ADGRL3: variants seen among roughly 807,000 people sequenced by gnomAD.
ADGRL3 encodes calcium-independent alpha-latrotoxin receptor 3.
ADGRL3 carries 62 observed loss-of-function variants against 153.5 expected under a neutral mutation model. That is an observed-to-expected ratio of 0.40 (90% confidence interval 0.33 to 0.50). The LOEUF is 0.50. Ranked by LOEUF, ADGRL3 falls within the 20% of genes least tolerant of loss-of-function variation. ADGRL3 has a pLI of 0.47. For synonymous variants in ADGRL3, 710 were observed against 672.5 expected, an observed-to-expected ratio of 1.06 and a Z score of -0.86; for missense variants, 1,641 against 1,859.4, an observed-to-expected ratio of 0.88 and a Z score of 2.16.
chr4:61,279,834 TG>T (rs2093642633), intron 1 of ADGRL3, among the ~76,000 whole-genome samples: 1 of 152,134 alleles, frequency 6.6e-6, no homozygotes, highest in East Asian at 1.9e-4. Context: ...TATGGTCTAT[TG>T]ATAAATATGT....
chr4:61,718,666 A>G (rs2096175640), intron 6 of ADGRL3, among the ~76,000 whole-genome samples: 1 of 152,194 alleles, frequency 6.6e-6, no homozygotes, highest in Non-Finnish European at 1.5e-5. Context: ...GTTGTCTACC[A>G]GGAAGCTGAT....
rs562249312 is a variant in ADGRL3, at chr4:61,306,202, A to G, written c.-239-76922A>G. Among the ~76,000 whole-genome samples, 524 of 152,064 alleles carry G rather than the reference A, an allele frequency of 3.4e-3. 2 individuals are homozygous for G. The highest frequency in any genetic ancestry group is 0.012 in the African/African-American group (497 of 41,458). On this transcript the variant is annotated intron_variant, in intron 1 of 26. Transcript: ENST00000683033. ...AAGCTCTGCCCCCTGGGTTCACGCC[A>G]TTCTCCTGCCTCAGCCTCCCAGGTA... is the stretch of plus-strand genomic sequence containing the variant.
Position 61,314,749 on chromosome 4 carries a change from G to A in ADGRL3, c.-239-68375G>A, listed in dbSNP as rs538108970. 1.2e-4 allele frequency among the ~76,000 whole-genome samples: 18 copies of A among 152,312 alleles called. 1 individual carries two copies. The highest frequency in any genetic ancestry group is 3.9e-4 in the East Asian group (2 of 5,176). On this transcript the variant is annotated intron_variant, in intron 1 of 26. Transcript: ENST00000683033. Reference sequence around the variant, plus strand: ...CTGTTGGGTTGTCACAACTTGGGCTGAAGGTGGTAATACTGGAATCTAGTG... The same window carrying A: ...CTGTTGGGTTGTCACAACTTGGGCTAAAGGTGGTAATACTGGAATCTAGTG...
At chr4:61,463,293 A>G (rs1273343070) in intron 2 of ADGRL3, among the ~76,000 whole-genome samples, 2 of 152,164 alleles carry the variant, frequency 1.3e-5, no homozygotes, top group African/African-American at 4.8e-5. Context: ...AGTTTAGTTG[A>G]CTCACAGTTC....
chr4:61,396,246 C>A (rs901018854), intron 2 of ADGRL3, among the ~76,000 whole-genome samples: 9 of 151,674 alleles, frequency 5.9e-5, no homozygotes, highest in South Asian at 2.1e-4. Context: ...TAATGAAAAA[C>A]CATTAGATTT....
chr4:61,528,951 C>T (rs2098595268), intron 4 of ADGRL3, among the ~76,000 whole-genome samples: 1 of 152,010 alleles, frequency 6.6e-6, no homozygotes, highest in Non-Finnish European at 1.5e-5. Context: ...CTGATATAAC[C>T]TGGTGAGCTA....
intron 4 of ADGRL3, among the ~76,000 whole-genome samples, chr4:61,569,668 A>T (rs1019641704): frequency 6.6e-6 from 1 of 152,200 alleles, no homozygotes; most frequent in Non-Finnish European, 1.5e-5. Flanking sequence ...CATAAATAGA[A>T]TAGTACAGTG....
intron 11 of ADGRL3, among the ~76,000 whole-genome samples, chr4:61,899,036 C>T (rs576806709): frequency 6.8e-4 from 103 of 152,212 alleles, no homozygotes; most frequent in African/African-American, 2.2e-3. Context: ...CCCAGGTAGC[C>T]TTCTCCTGTT....
chr4:61,595,667 G>C (rs747087677), intron 5 of ADGRL3, among the ~76,000 whole-genome samples: 7 of 142,134 alleles, frequency 4.9e-5, no homozygotes, highest in African/African-American at 7.4e-5. Context: ...GCTGTGCCAG[G>C]TGGTGTCTTC....
At chr4:61,960,936 T>C (rs2098985547) in intron 17 of ADGRL3, among the ~76,000 whole-genome samples, 1 of 152,064 alleles carries the variant, frequency 6.6e-6, no homozygotes, top group South Asian at 2.1e-4. Flanking sequence ...TTTCGATCTC[T>C]TGACCTCATG....
chr4:61,809,839 T>A (rs2097589411), intron 8 of ADGRL3, among the ~76,000 whole-genome samples: 1 of 152,092 alleles, frequency 6.6e-6, no homozygotes, highest in Admixed American at 6.6e-5. Flanking sequence ...AATTACTAAG[T>A]ACTTTTCTGT....
intron 11 of ADGRL3, among the ~76,000 whole-genome samples, chr4:61,896,472 C>G (rs982018918): frequency 6.6e-6 from 1 of 152,098 alleles, no homozygotes; most frequent in African/African-American, 2.4e-5. Context: ...GAGAGTCCTT[C>G]TATGGCACAT....
chr4:61,217,760 A>C (rs1406170638), intron 1 of ADGRL3, among the ~76,000 whole-genome samples: 1 of 152,148 alleles, frequency 6.6e-6, no homozygotes, highest in Admixed American at 6.5e-5. Flanking sequence ...TTTACTCCAG[A>C]AGGTTGGTTC....
intron 17 of ADGRL3, among the ~76,000 whole-genome samples, chr4:61,971,052 C>T (rs931801489): frequency 6.6e-6 from 1 of 152,054 alleles, no homozygotes; most frequent in Non-Finnish European, 1.5e-5. Flanking sequence ...AACACTCATA[C>T]ATTTTCAGTA....
intron 1 of ADGRL3, among the ~76,000 whole-genome samples, chr4:61,240,479 G>A (rs1213660055): frequency 4.6e-5 from 7 of 152,060 alleles, no homozygotes; most frequent in Non-Finnish European, 8.8e-5. Flanking sequence ...CACAAATTTC[G>A]TATAAGAAAA....
rs926405253 is a variant in ADGRL3 at position 61,649,024 on chromosome 4, T to C, written c.474-27802T>C. 5.9e-5 allele frequency among the ~76,000 whole-genome samples: 9 copies of C among 151,960 alleles called. No individual in the cohort carries two copies. The East Asian group carries it at 1.5e-3, about 26-fold the overall frequency. ...GTTTCCCAGCAACCCCAAATCTAAT[T>C]CCTAAAAGTAACCACTTTTAACAGT... On this transcript the variant is annotated intron_variant, in intron 5 of 26. Coordinates refer to ENST00000683033, the MANE Select transcript of ADGRL3 (RefSeq NM_001387552.1).
At chr4:61,243,179 C>G (rs917326946) in intron 1 of ADGRL3, among the ~76,000 whole-genome samples, 6 of 152,032 alleles carry the variant, frequency 3.9e-5, no homozygotes, top group Non-Finnish European at 8.8e-5. Flanking sequence ...ATAGGGTTTT[C>G]AATTTCAAAG....
chr4:61,507,868 C>T (rs946699379), intron 3 of ADGRL3, among the ~76,000 whole-genome samples: 3 of 152,060 alleles, frequency 2.0e-5, no homozygotes, highest in East Asian at 3.9e-4. Flanking sequence ...TTACAATTGG[C>T]AGTATGATTA....
At chr4:62,031,417 C>A in intron 22 of ADGRL3, 25 bp from the exon 23 acceptor site, 2 of 1,546,262 alleles carry the variant, frequency 1.3e-6, no homozygotes, top group South Asian at 1.2e-5. Flanking sequence ...ATTTAATAAC[C>A]CTTAATTTTC....
Sources: gnomAD v4.1 joint callset for allele counts (sites outside exome capture counted in the v4.1 genomes callset) on GRCh38, gnomAD v4.1.1 for gene constraint, MANE v1.5 for transcripts, NCBI Gene and HGNC (gene_info 2026-07-23, HGNC 2026-07-21) for gene names.